Variants in GRM3 observed in about 807,000 individuals in gnomAD.
GRM3 encodes metabotropic glutamate receptor 3.
In GRM3, 26 loss-of-function variants were observed where a neutral mutation model predicts 70.5. That is an observed-to-expected ratio of 0.37 (90% CI 0.27 to 0.51). The LOEUF (loss-of-function observed/expected upper bound fraction) is 0.51. Ranked by LOEUF, GRM3 falls within the 20% of genes least tolerant of loss-of-function variation. GRM3 has a pLI of 0.93. For synonymous variants in GRM3, 443 were observed against 434.9 expected (o/e 1.02, Z -0.23); for missense variants, 859 against 1,123.8 (o/e 0.76, Z 3.37).
chr7:86,651,855 A>G (rs1255611932), intron 1 of GRM3, among the ~76,000 whole-genome samples: 1 of 152,188 alleles, frequency 6.6e-6, no homozygotes, highest in Non-Finnish European at 1.5e-5. Flanking sequence ...CCCAAAATAT[A>G]TTTTTCACTA....
chr7:86,797,662 A>G (rs893494213), intron 3 of GRM3, among the ~76,000 whole-genome samples: 1 of 152,380 alleles, frequency 6.6e-6, no homozygotes, highest in East Asian at 1.9e-4. Flanking sequence ...TTTTCTAAAG[A>G]GAAGTTCAAG....
chr7:86,822,594 T>C lies in GRM3; in HGVS notation c.1325-16245T>C, dbSNP rs112785534. Among the ~76,000 whole-genome samples the C allele has an allele frequency of 1.7e-4, 26 of 152,272 alleles. 1 individual carries two copies. The highest frequency in any genetic ancestry group is 5.8e-4 in the African/African-American group (24 of 41,566). On this transcript the variant is annotated intron_variant, in intron 3 of 5. Coordinates refer to ENST00000361669, the MANE Select transcript of GRM3 (RefSeq NM_000840.3). Reference sequence around the variant, plus strand: ...GGAAGGGAGCACTTAGGTTCTGTCATGGATTGCAAAGGGATAGAGCGAGAG... The same window carrying C: ...GGAAGGGAGCACTTAGGTTCTGTCACGGATTGCAAAGGGATAGAGCGAGAG...
chr7:86,696,141 T>C (rs1328772193), intron 1 of GRM3, among the ~76,000 whole-genome samples: 1 of 152,200 alleles, frequency 6.6e-6, no homozygotes, highest in Non-Finnish European at 1.5e-5. Flanking sequence ...AGTCTGTCTG[T>C]AGAAGGCTGA....
At chr7:86,670,916 C>T (rs185238753) in intron 1 of GRM3, among the ~76,000 whole-genome samples, 32 of 152,296 alleles carry the variant, frequency 2.1e-4, no homozygotes, top group African/African-American at 6.5e-4. Flanking sequence ...GTTTATATTA[C>T]GTCCAAGACA....
At chr7:86,843,631 G>T (rs1342018660) in intron 4 of GRM3, among the ~76,000 whole-genome samples, 2 of 152,090 alleles carry the variant, frequency 1.3e-5, no homozygotes, top group African/African-American at 2.4e-5. Context: ...TATCCATAAA[G>T]GAATTCATTT....
At chr7:86,794,455 A>C (rs1797500831) in intron 3 of GRM3, among the ~76,000 whole-genome samples, 1 of 152,232 alleles carries the variant, frequency 6.6e-6, no homozygotes, top group Non-Finnish European at 1.5e-5. Context: ...CCTAAAGTTG[A>C]GTTTAGTAAG....
At chr7:86,841,161 G>A (rs905003023) in intron 4 of GRM3, among the ~76,000 whole-genome samples, 2 of 152,040 alleles carry the variant, frequency 1.3e-5, no homozygotes, top group African/African-American at 4.8e-5. Context: ...AATTAAAATA[G>A]ATAAATACTT....
chr7:86,804,627 T>C (rs1584255431), intron 3 of GRM3, among the ~76,000 whole-genome samples: 1 of 152,126 alleles, frequency 6.6e-6, no homozygotes, highest in African/African-American at 2.4e-5. Flanking sequence ...GCCAGGCTGG[T>C]CTCGAACTCC....
chr7:86,652,521 G>A (rs1173690300), intron 1 of GRM3, among the ~76,000 whole-genome samples: 1 of 152,038 alleles, frequency 6.6e-6, no homozygotes, highest in Non-Finnish European at 1.5e-5. Context: ...AGTAGAGATG[G>A]GGTTTCACCG....
At chr7:86,741,191 C>T (rs1476449176) in intron 1 of GRM3, among the ~76,000 whole-genome samples, 1 of 152,086 alleles carries the variant, frequency 6.6e-6, no homozygotes, top group Non-Finnish European at 1.5e-5. Context: ...ATGGATGGTA[C>T]TAGGTTCAAG....
Position 86,746,341 on chromosome 7 carries a change from T to TTTTATATATA in GRM3, c.-140-18664_-140-18663insTTATATATAT, listed in dbSNP as rs1388333232. Reference sequence around the variant, plus strand: ...TGACTAATAGAGGGTCAGTCATGTATTATATATATATATATATATATATAT... The same window carrying TTTTATATATA: ...TGACTAATAGAGGGTCAGTCATGTATTTTATATATATATATATATATATATATATATATAT... On this transcript the variant is annotated intron_variant, in intron 1 of 5. Coordinates refer to ENST00000361669, the MANE Select transcript of GRM3 (RefSeq NM_000840.3). Among the ~76,000 whole-genome samples the TTTTATATATA allele has an allele frequency of 7.5e-3, 652 of 87,408 alleles. 13 individuals carry two copies. Among genetic ancestry groups the TTTTATATATA allele is most frequent in the African/African-American group, 0.02 (341 of 16,804 alleles). 57.3% of individuals were successfully genotyped at this position (87,408 alleles called of 152,430 possible).
intron 3 of GRM3, among the ~76,000 whole-genome samples, chr7:86,829,922 CAAA>C (rs1197125335): frequency 6.6e-6 from 1 of 151,674 alleles, no homozygotes. Flanking sequence ...TAAAACAAAA[CAAA>C]AAAGGAATAT....
chr7:86,785,397 GATAA>G (rs1274704230), intron 2 of GRM3, among the ~76,000 whole-genome samples: 1 of 151,934 alleles, frequency 6.6e-6, no homozygotes. Context: ...AAATAAAAAT[GATAA>G]ATATTGTTGA....
rs574889113 is a variant in GRM3, at chr7:86,661,727, AT to A, written c.-141+16861del. 1.1e-3 allele frequency among the ~76,000 whole-genome samples: 160 copies of A among 152,030 alleles called. 1 individual carries two copies. The highest frequency in any genetic ancestry group is 3.6e-3 in the African/African-American group (150 of 41,544). On this transcript the variant is annotated intron_variant, in intron 1 of 5. Transcript: ENST00000361669. The stretch of plus-strand genomic sequence containing the variant: ...ATTCAATTTTTACAGAATAAAAAAC[AT>A]TTTTTCCTGCCAATGTTGTTCTGAA...
At chr7:86,821,293 G>C (rs1188361763) in intron 3 of GRM3, among the ~76,000 whole-genome samples, 2 of 151,510 alleles carry the variant, frequency 1.3e-5, no homozygotes, top group Admixed American at 1.3e-4. Context: ...ATAATTCTGT[G>C]AACAGACCTA....
At chr7:86,797,317 A>G (rs1797572999) in intron 3 of GRM3, among the ~76,000 whole-genome samples, 2 of 152,212 alleles carry the variant, frequency 1.3e-5, no homozygotes, top group Admixed American at 6.5e-5. Context: ...TAATATGGAC[A>G]ATGAAGTCCA....
chr7:86,833,494 A>G (rs1294845637), intron 3 of GRM3, among the ~76,000 whole-genome samples: 1 of 152,168 alleles, frequency 6.6e-6, no homozygotes, highest in East Asian at 1.9e-4. Flanking sequence ...CTAGTGAGTC[A>G]TTTGACTTAG....
chr7:86,739,532 G>A (rs1795938139), intron 1 of GRM3, among the ~76,000 whole-genome samples: 1 of 152,176 alleles, frequency 6.6e-6, no homozygotes, highest in Admixed American at 6.5e-5. Flanking sequence ...TACCTGAAGG[G>A]AATGAACTAA....
At chr7:86,764,887 A>T in intron 1 of GRM3, 119 bp from the exon 2 acceptor site, 1 of 513,578 alleles carries the variant, frequency 1.9e-6, no homozygotes, top group Admixed American at 4.0e-5. Context: ...GCTGTGGTGT[A>T]CTGTGTGTTT....
Sources: gnomAD v4.1 joint callset for allele counts (sites outside exome capture counted in the v4.1 genomes callset) on GRCh38, gnomAD v4.1.1 for gene constraint, MANE v1.5 for transcripts, NCBI Gene and HGNC (gene_info 2026-07-23, HGNC 2026-07-21) for gene names.